GRIK1: variants seen among roughly 807,000 people sequenced by gnomAD.
GRIK1 encodes the protein glutamate ionotropic receptor kainate type subunit 1.
In GRIK1, 69 loss-of-function variants were observed where a neutral mutation model predicts 105.7. The observed-to-expected ratio is 0.65, with a 90% confidence interval of 0.54 to 0.80. The LOEUF (loss-of-function observed/expected upper bound fraction) is 0.80, where lower values mean the gene tolerates loss of function less well. GRIK1 is among the 30% of genes least tolerant of loss of function. The pLI is 0.00. For missense variants in GRIK1, 1,109 were observed against 1,167.3 expected, an observed-to-expected ratio of 0.95 and a Z score of 0.73; for synonymous variants, 438 against 431.3, an observed-to-expected ratio of 1.02 and a Z score of -0.19.
At chr21:29,565,120 C>T (rs2090582343) in intron 14 of GRIK1, among the ~76,000 whole-genome samples, 1 of 152,156 alleles carries the variant, frequency 6.6e-6, no homozygotes, top group African/African-American at 2.4e-5. Context: ...TGGTAGGGGA[C>T]TTGGTAAGTT....
At chr21:29,666,518 G>T (rs2063061736) in intron 4 of GRIK1, among the ~76,000 whole-genome samples, 1 of 152,126 alleles carries the variant, frequency 6.6e-6, no homozygotes, top group Non-Finnish European at 1.5e-5. Context: ...CATTTTCAAG[G>T]TCTCTTTTTG....
chr21:29,798,484 A>T (rs2066616092), intron 1 of GRIK1, among the ~76,000 whole-genome samples: 1 of 152,216 alleles, frequency 6.6e-6, no homozygotes, highest in African/African-American at 2.4e-5. Flanking sequence ...TTAGTTGTTC[A>T]AATTTTTCCC....
chr21:29,541,575 C>CTTGTTTTTTTTTTTTTTTTTTTTTT, intron 16 of GRIK1, among the ~76,000 whole-genome samples: 1 of 95,972 alleles, frequency 1.0e-5, no homozygotes, highest in Admixed American at 1.2e-4. Context: ...CACTCACGGT[C>CTTGTTTTTTTTTTTTTTTTTTTTTT]TTTTTTTTTT....
rs1250004553 is a variant in GRIK1 at position 29,561,664 on chromosome 21, G to A, written c.2316C>T (p.Gly772=). 6 of 1,613,682 alleles carry A rather than the reference G, an allele frequency of 3.7e-6. No individual in the cohort carries two copies. Among genetic ancestry groups the A allele is most frequent in the African/African-American group, 2.7e-5 (2 of 74,884 alleles). The change falls in exon 15 of 18, where the codon GGC becomes GGT. Residue 772 remains glycine (G), a synonymous_variant. Transcript: ENST00000327783. Reference sequence around the variant, plus strand: ...CTCCGTAACCTTTGGAGTCAATGAGGCCCCCGATCTGAGTGAGGTTGCAGT... The same window carrying A: ...CTCCGTAACCTTTGGAGTCAATGAGACCCCCGATCTGAGTGAGGTTGCAGT... ...QRNCNLTQIG[G]LIDSKGYGVG...
intron 13 of GRIK1, among the ~76,000 whole-genome samples, chr21:29,579,995 A>ATGTG (rs1568843029): frequency 1.8e-4 from 21 of 117,580 alleles, no homozygotes; most frequent in Non-Finnish European, 3.1e-4. Flanking sequence ...GTGTATATAT[A>ATGTG]TGTATATATA....
At chr21:29,637,502 A>G (rs190245839) in intron 7 of GRIK1, among the ~76,000 whole-genome samples, 136 of 152,310 alleles carry the variant, frequency 8.9e-4, no homozygotes, top group African/African-American at 3.0e-3. Flanking sequence ...TGAAATTCTA[A>G]CCCTCAAGAC....
intron 15 of GRIK1, among the ~76,000 whole-genome samples, chr21:29,560,318 T>TCTTA (rs1568812619): frequency 1.7e-5 from 2 of 119,666 alleles, no homozygotes; most frequent in Admixed American, 8.9e-5. Context: ...TTTCTTTCTT[T>TCTTA]CTTTCTTTCT....
intron 1 of GRIK1, among the ~76,000 whole-genome samples, chr21:29,727,429 C>T (rs367718990): frequency 6.6e-6 from 1 of 152,092 alleles, no homozygotes; most frequent in East Asian, 1.9e-4. Context: ...GCTTTAGAAT[C>T]CTTTCCATTC....
intron 1 of GRIK1, among the ~76,000 whole-genome samples, chr21:29,802,539 A>T (rs750509270): frequency 6.6e-6 from 1 of 152,050 alleles, no homozygotes; most frequent in African/African-American, 2.4e-5. Context: ...TTTTGTCTGG[A>T]TCTCATCATC....
intron 14 of GRIK1, among the ~76,000 whole-genome samples, chr21:29,574,133 C>T (rs2090827869): frequency 6.6e-6 from 1 of 152,118 alleles, no homozygotes; most frequent in South Asian, 2.1e-4. Context: ...TGGGTCCCAT[C>T]CCCAGGTTTT....
intron 3 of GRIK1, among the ~76,000 whole-genome samples, chr21:29,679,777 C>T (rs2063337292): frequency 6.6e-6 from 1 of 152,154 alleles, no homozygotes; most frequent in African/African-American, 2.4e-5. Flanking sequence ...ATTCTTTGAT[C>T]TACAGGTATG....
At chr21:29,917,055 C>G (rs923741662) in intron 1 of GRIK1, among the ~76,000 whole-genome samples, 2 of 151,918 alleles carry the variant, frequency 1.3e-5, no homozygotes, top group Non-Finnish European at 2.9e-5. Context: ...TGATGTTTTT[C>G]TCATTATGTT....
At chr21:29,657,739 C>T (rs2062882061) in intron 4 of GRIK1, 1 of 152,188 alleles carries the variant, frequency 6.6e-6, no homozygotes, top group Non-Finnish European at 1.5e-5. Flanking sequence ...GCTTTTAAAG[C>T]AGTTGTTCTT....
At chr21:29,743,857 A>G (rs2064986686) in intron 1 of GRIK1, among the ~76,000 whole-genome samples, 1 of 152,232 alleles carries the variant, frequency 6.6e-6, no homozygotes, top group African/African-American at 2.4e-5. Context: ...AAATTTGGCC[A>G]GTGTTAGAAT....
At chr21:29,838,066 T>C (rs1195844824) in intron 1 of GRIK1, among the ~76,000 whole-genome samples, 1 of 152,178 alleles carries the variant, frequency 6.6e-6, no homozygotes, top group African/African-American at 2.4e-5. Flanking sequence ...CTAAATGATT[T>C]CAATAAAGGA....
At chr21:29,677,940 G>T (rs553527827) in intron 3 of GRIK1, among the ~76,000 whole-genome samples, 74 of 152,234 alleles carry the variant, frequency 4.9e-4, no homozygotes, top group African/African-American at 1.7e-3. Context: ...ACCTTACACC[G>T]CAGTCCAATC....
intron 1 of GRIK1, chr21:29,861,823 G>A (rs1480428084): frequency 3.8e-6 from 1 of 265,216 alleles, no homozygotes; most frequent in Non-Finnish European, 7.5e-6. Context: ...ATTTAATTAT[G>A]TTGTATAATT....
intron 1 of GRIK1, among the ~76,000 whole-genome samples, chr21:29,724,687 T>C (rs936738112): frequency 2.6e-5 from 4 of 152,180 alleles, no homozygotes; most frequent in Admixed American, 6.5e-5. Context: ...AGTGATGAAA[T>C]AAATACTTTC....
At chr21:29,759,615 G>A (rs899061486) in intron 1 of GRIK1, among the ~76,000 whole-genome samples, 2 of 152,222 alleles carry the variant, frequency 1.3e-5, no homozygotes, top group Non-Finnish European at 2.9e-5. Flanking sequence ...AAAGAGAATG[G>A]AAGGAAGATG....
Sources: allele counts gnomAD v4.1 joint callset (sites outside exome capture counted in the v4.1 genomes callset), GRCh38; gene constraint gnomAD v4.1.1; transcripts MANE v1.5; gene names NCBI Gene and HGNC (gene_info 2026-07-23, HGNC 2026-07-21).